The following MIA2 variants were observed in gnomAD, a reference collection of about 807,000 sequenced individuals.
MIA2 encodes MIA SH3 domain ER export factor 2, also known as melanoma inhibitory activity protein 2.
MIA2 carries 127 observed loss-of-function variants against 167.8 expected under a neutral mutation model. The observed-to-expected ratio is 0.76, with a 90% CI of 0.66 to 0.88. The LOEUF is 0.88. Among genes scored for constraint, MIA2 ranks in the 40% least tolerant of loss-of-function variants. The pLI is 0.00. For synonymous variants in MIA2, 552 were observed against 541.9 expected (o/e 1.02, Z -0.26); for missense variants, 1,690 against 1,624.7 (o/e 1.04, Z -0.69).
At chr14:39,329,785 A>G (rs1180382427) in intron 25 of MIA2, among the ~76,000 whole-genome samples, 1 of 151,866 alleles carries the variant, frequency 6.6e-6, no homozygotes, top group Non-Finnish European at 1.5e-5. Flanking sequence ...TAATTTGCAT[A>G]TGTTGAACCA....
At chr14:39,366,447 A>G (rs2074824631) in intron 23 of MIA2, among the ~76,000 whole-genome samples, 1 of 152,114 alleles carries the variant, frequency 6.6e-6, no homozygotes, top group Non-Finnish European at 1.5e-5. Flanking sequence ...GGTGGCACAC[A>G]CTTGTTTTGG....
chr14:39,268,984 T>A (rs773675631), intron 6 of MIA2: 1 of 983,200 alleles, frequency 1.0e-6, no homozygotes, highest in Non-Finnish European at 1.2e-6. Flanking sequence ...GGACTGCCAG[T>A]GTACATGGAG....
chr14:39,295,635 C>T (rs566119963), intron 13 of MIA2, among the ~76,000 whole-genome samples: 1 of 152,122 alleles, frequency 6.6e-6, no homozygotes, highest in Non-Finnish European at 1.5e-5. Context: ...TCTCGGCTCA[C>T]TGCGACCTCT....
chr14:39,259,488 T>C (rs2054977490), intron 6 of MIA2, among the ~76,000 whole-genome samples: 1 of 152,078 alleles, frequency 6.6e-6, no homozygotes, highest in Non-Finnish European at 1.5e-5. Context: ...CTTTTGAAAA[T>C]TTATTTCCCG....
chr14:39,248,668 C>A (rs528849920), intron 4 of MIA2, among the ~76,000 whole-genome samples: 2 of 152,020 alleles, frequency 1.3e-5, no homozygotes, highest in Non-Finnish European at 2.9e-5. Flanking sequence ...CATTCACATT[C>A]GCTTTTTAGC....
chr14:39,289,340 G>C (rs767635992), intron 9 of MIA2, among the ~76,000 whole-genome samples: 1 of 151,698 alleles, frequency 6.6e-6, no homozygotes, highest in African/African-American at 2.4e-5. Flanking sequence ...TCAGCCTCTC[G>C]AATAGCTGGG....
At position 39,347,818 on chromosome 14, in the gene MIA2, CTTTTTTTTT is replaced by C. The variant is rs59832680; in HGVS notation, c.3837+62_3837+70del. 1.6e-5 allele frequency: 11 copies of C among 706,356 alleles called. No individual in the cohort carries two copies. In the South Asian group the frequency reaches 2.4e-4, roughly 15 times the overall value. The allele number at this position is 706,356 out of a possible 1,614,324, so 43.8% of individuals were successfully genotyped here. ...TTGTATGCATGTATTCAGAAGCCTTCTTTTTTTTTTTTTTTTTTTTTTTATGGAGTTTCA... is the reference window on the plus strand; with the variant it reads ...TTGTATGCATGTATTCAGAAGCCTTCTTTTTTTTTTTTTTATGGAGTTTCA... On this transcript the variant is annotated intron_variant, in intron 27 of 28. Coordinates refer to ENST00000640607, the MANE Select transcript of MIA2 (RefSeq NM_001329214.4).
chr14:39,270,442 A>C (rs1594824821), intron 6 of MIA2, among the ~76,000 whole-genome samples: 2 of 151,254 alleles, frequency 1.3e-5, no homozygotes, highest in African/African-American at 2.4e-5. Flanking sequence ...CTTGTGATCC[A>C]CCCGCCTCGG....
intron 23 of MIA2, among the ~76,000 whole-genome samples, chr14:39,360,462 TTTTG>T (rs1443207873): frequency 3.2e-4 from 49 of 151,308 alleles, no homozygotes; most frequent in African/African-American, 6.3e-4. Context: ...ATGTTTTTTT[TTTTG>T]TTTGTTTGTT....
chr14:39,302,368 C>G, intron 15 of MIA2, 119 bp downstream of exon 15: 1 of 1,098,760 alleles, frequency 9.1e-7, no homozygotes, highest in African/African-American at 1.6e-5. Context: ...TTCTGTCTGT[C>G]TGTGACACAC....
intron 25 of MIA2, among the ~76,000 whole-genome samples, chr14:39,332,480 C>G (rs2069136349): frequency 1.3e-5 from 2 of 152,156 alleles, no homozygotes; most frequent in South Asian, 4.1e-4. Context: ...GTTTTGTTCC[C>G]TTGCTGCCAA....
chr14:39,290,860 G>C (rs984242161), intron 9 of MIA2, among the ~76,000 whole-genome samples, 159 bp from the exon 10 acceptor site: 1 of 152,206 alleles, frequency 6.6e-6, no homozygotes, highest in Admixed American at 6.5e-5. Context: ...GGCATTGTTT[G>C]TTGTAGTGGT....
intron 25 of MIA2, among the ~76,000 whole-genome samples, chr14:39,342,153 TGCTATC>T (rs1475139289): frequency 6.6e-6 from 1 of 151,906 alleles, no homozygotes; most frequent in Non-Finnish European, 1.5e-5. Flanking sequence ...TCTCTCCTAA[TGCTATC>T]CCTCCCCCCT....
intron 13 of MIA2, 150 bp downstream of exon 13, chr14:39,295,179 G>A (rs1224462930): frequency 6.1e-6 from 4 of 653,826 alleles, no homozygotes; most frequent in African/African-American, 5.5e-5. Flanking sequence ...TTCAGTGTCT[G>A]TCTCTTTTGT....
intron 26 of MIA2, chr14:39,346,808 G>A (rs778762287): frequency 3.0e-5 from 6 of 198,972 alleles, no homozygotes; most frequent in South Asian, 7.7e-5. Flanking sequence ...GTTTCGACAT[G>A]TTGTTGAGGC....
At chr14:39,254,199 C>T (rs950777116) in intron 6 of MIA2, among the ~76,000 whole-genome samples, 2 of 151,960 alleles carry the variant, frequency 1.3e-5, no homozygotes, top group Non-Finnish European at 2.9e-5. Flanking sequence ...GTTAGCCAGA[C>T]AAAGAAAGGA....
chr14:39,318,803 A>G (rs1295468315), intron 22 of MIA2, among the ~76,000 whole-genome samples: 1 of 152,030 alleles, frequency 6.6e-6, no homozygotes, highest in Non-Finnish European at 1.5e-5. Context: ...AAAGCCAGGA[A>G]CCCTGTGTCT....
intron 9 of MIA2, among the ~76,000 whole-genome samples, chr14:39,281,262 C>T (rs1414403938): frequency 2.6e-5 from 4 of 152,024 alleles, no homozygotes; most frequent in Admixed American, 2.6e-4. Context: ...TGTTACTTTT[C>T]CACATATTGT....
chr14:39,308,430 A>T lies in MIA2; in HGVS notation c.2879-19A>T. On this transcript the variant is annotated intron_variant, in intron 17 of 28. Transcript: ENST00000640607. ...TCAAAATGTTTCTCCTTTAATTATG[A>T]CTTAAAATTTTTATATAGAGCATAT... is the stretch of plus-strand genomic sequence containing the variant. The T allele has an allele frequency of 7.1e-7, 1 of 1,414,010 alleles. No individual in the cohort carries two copies. Among genetic ancestry groups the T allele is most frequent in the Non-Finnish European group, 9.5e-7 (1 of 1,055,146 alleles). The allele number at this position is 1,414,010 out of a possible 1,614,324, so 87.6% of individuals were successfully genotyped here. A position where few individuals can be genotyped will look rare whatever the true frequency, so the allele number is the denominator to read the frequency against.
Sources: allele counts gnomAD v4.1 joint callset (sites outside exome capture counted in the v4.1 genomes callset), GRCh38; gene constraint gnomAD v4.1.1; transcripts MANE v1.5; gene names NCBI Gene and HGNC (gene_info 2026-07-23, HGNC 2026-07-21).